GRM7: variants seen among roughly 807,000 people sequenced by gnomAD.
GRM7 encodes glutamate metabotropic receptor 7.
GRM7 carries 35 observed loss-of-function variants against 84.5 expected under a neutral mutation model. The ratio of observed to expected loss-of-function variants is 0.41; its 90% confidence interval spans 0.32 to 0.55. The LOEUF (loss-of-function observed/expected upper bound fraction) is 0.55. Among genes scored for constraint, GRM7 ranks in the 20% least tolerant of loss-of-function variants. The pLI, the probability that GRM7 is intolerant of heterozygous loss-of-function variation, is 0.19. For synonymous variants in GRM7, 487 were observed against 455.1 expected, an observed-to-expected ratio of 1.07 and a Z score of -0.89; for missense variants, 1,003 against 1,194.6, an observed-to-expected ratio of 0.84 and a Z score of 2.36.
chr3:7,512,058 T>A (rs950972850), intron 7 of GRM7, among the ~76,000 whole-genome samples: 2 of 152,074 alleles, frequency 1.3e-5, no homozygotes, highest in South Asian at 2.1e-4. Flanking sequence ...GGTGGGAGGA[T>A]CACTTGAACC....
At chr3:6,964,119 A>C (rs186860045) in intron 1 of GRM7, among the ~76,000 whole-genome samples, 80 of 152,308 alleles carry the variant, frequency 5.3e-4, no homozygotes, top group Non-Finnish European at 1.0e-3. Flanking sequence ...TAATCAACAA[A>C]TTTAAAGGCC....
chr3:6,882,977 A>G (rs144960433), intron 1 of GRM7, among the ~76,000 whole-genome samples: 33 of 152,316 alleles, frequency 2.2e-4, no homozygotes, highest in African/African-American at 7.7e-4. Flanking sequence ...ATTTGAGTAC[A>G]TATTGACGTA....
chr3:7,452,574 GT>G, intron 5 of GRM7, 32 bp from the exon 6 acceptor site: 1 of 1,293,294 alleles, frequency 7.7e-7, no homozygotes, highest in Non-Finnish European at 1.1e-6. Flanking sequence ...GTGTGTGTGT[GT>G]GTGTGTGTGT....
At chr3:7,312,027 G>A (rs1194048764) in intron 4 of GRM7, among the ~76,000 whole-genome samples, 1 of 152,090 alleles carries the variant, frequency 6.6e-6, no homozygotes, top group Non-Finnish European at 1.5e-5. Context: ...CAATAACAAA[G>A]TCATAGCAAA....
rs371845490 is a variant in GRM7, at chr3:7,268,994, T to C, written c.737-29690T>C. Among the ~76,000 whole-genome samples the C allele has an allele frequency of 5.8e-4, 88 of 152,210 alleles. 5 individuals are homozygous for C. In the South Asian group the frequency reaches 0.014, roughly 24 times the overall value. Reference sequence around the variant, plus strand: ...TCAGTAGACCCTCCATCAGACAGAATGTGTTTGCATGTCTTTAGACAAGAA... The same window carrying C: ...TCAGTAGACCCTCCATCAGACAGAACGTGTTTGCATGTCTTTAGACAAGAA... On this transcript the variant is annotated intron_variant, in intron 2 of 9. Transcript: ENST00000357716.
Position 7,489,172 on chromosome 3 carries a change from C to G in GRM7, c.1515+27450C>G, listed in dbSNP as rs550362963. Among the ~76,000 whole-genome samples the G allele has an allele frequency of 8.5e-5, 13 of 152,144 alleles. No homozygotes were observed. In the South Asian group the frequency reaches 1.9e-3, roughly 22 times the overall value. On this transcript the variant is annotated intron_variant, in intron 7 of 9. Transcript: ENST00000357716. ...AAAAACGTATTTGACTGTGGTTCACCATAAGAAATATATTTTACAACATGA... is the reference window on the plus strand; with the variant it reads ...AAAAACGTATTTGACTGTGGTTCACGATAAGAAATATATTTTACAACATGA...
At chr3:7,132,741 C>A (rs1042521383) in intron 1 of GRM7, among the ~76,000 whole-genome samples, 1 of 152,194 alleles carries the variant, frequency 6.6e-6, no homozygotes, top group African/African-American at 2.4e-5. Context: ...TGGTCTTTTA[C>A]AATGAGAATG....
At chr3:7,379,356 G>C (rs1447071301) in intron 4 of GRM7, among the ~76,000 whole-genome samples, 1 of 152,104 alleles carries the variant, frequency 6.6e-6, no homozygotes, top group Non-Finnish European at 1.5e-5. Flanking sequence ...GCCTCCCAAA[G>C]TGCTAGGATT....
chr3:6,962,012 A>G (rs1018006371), intron 1 of GRM7, among the ~76,000 whole-genome samples: 2 of 152,156 alleles, frequency 1.3e-5, no homozygotes, highest in Non-Finnish European at 2.9e-5. Context: ...AGTCCAAACT[A>G]CTTCAACTTC....
At chr3:7,724,760 T>C (rs1354162651) in intron 9 of GRM7, among the ~76,000 whole-genome samples, 1 of 152,158 alleles carries the variant, frequency 6.6e-6, no homozygotes, top group East Asian at 1.9e-4. Flanking sequence ...CCATTATTTT[T>C]GTCTTTTTGT....
Position 7,452,821 on chromosome 3 carries a change from A to T in GRM7, c.1375+14A>T. On this transcript the variant is annotated intron_variant, in intron 6 of 9. Transcript: ENST00000357716. The stretch of plus-strand genomic sequence containing the variant: ...TTAATTTCAATGGTGAGTCTCCAAA[A>T]ATCCATCCTTTTTGGAATCCTAAGT... 1.3e-6 allele frequency: 2 copies of T among 1,552,314 alleles called. No individual in the cohort carries two copies. Among genetic ancestry groups the T allele is most frequent in the Non-Finnish European group, 1.8e-6 (2 of 1,124,968 alleles).
At position 6,863,158 on chromosome 3, in the gene GRM7, T is replaced by A. The variant is rs1694821836; in HGVS notation, c.519+1251T>A. On this transcript the variant is annotated intron_variant, in intron 1 of 9. Transcript: ENST00000357716. This position sits in a 1 kb window ranked among gnomAD's most constrained non-coding sequence, Gnocchi z 4.8. ...TTTCTCTCTGTTTTTTCTCTCCTTTTCAATCTCTCCCTCCTTTCCTCCTCT... is the reference window on the plus strand; with the variant it reads ...TTTCTCTCTGTTTTTTCTCTCCTTTACAATCTCTCCCTCCTTTCCTCCTCT... Among the ~76,000 whole-genome samples, 1 of 151,998 alleles carries A rather than the reference T, an allele frequency of 6.6e-6. No individual in the cohort carries two copies. Among genetic ancestry groups the A allele is most frequent in the South Asian group, 2.1e-4 (1 of 4,826 alleles).
intron 1 of GRM7, among the ~76,000 whole-genome samples, chr3:6,971,651 T>A (rs564857612): frequency 2.0e-4 from 31 of 152,338 alleles, no homozygotes; most frequent in Admixed American, 7.8e-4. Flanking sequence ...ACGATGAATA[T>A]CAACTACTAT....
chr3:7,197,300 C>T (rs1199206638), intron 2 of GRM7, among the ~76,000 whole-genome samples: 1 of 152,180 alleles, frequency 6.6e-6, no homozygotes, highest in Non-Finnish European at 1.5e-5. Flanking sequence ...CTTTGACACT[C>T]ACCAGTTACA....
rs376985257 is a variant in GRM7, at chr3:6,996,211, G to C, written c.519+134304G>C. On this transcript the variant is annotated intron_variant, in intron 1 of 9. Coordinates refer to ENST00000357716, the MANE Select transcript of GRM7 (RefSeq NM_000844.4). The stretch of plus-strand genomic sequence containing the variant: ...CTACAGGCGCCCGCCACCAAGCCTG[G>C]CTCAATTTTTGTATTTTAAGTAGAG... 1.2e-4 allele frequency among the ~76,000 whole-genome samples: 18 copies of C among 152,082 alleles called. No individual in the cohort carries two copies. In the East Asian group the frequency reaches 2.5e-3, roughly 21 times the overall value.
chr3:7,003,520 A>T (rs1695082613), intron 1 of GRM7, among the ~76,000 whole-genome samples: 1 of 152,176 alleles, frequency 6.6e-6, no homozygotes, highest in Non-Finnish European at 1.5e-5. Flanking sequence ...TAAAAACTTG[A>T]TGAGATGATG....
At chr3:7,441,913 A>G (rs1449644324) in intron 5 of GRM7, among the ~76,000 whole-genome samples, 2 of 151,808 alleles carry the variant, frequency 1.3e-5, no homozygotes, top group Non-Finnish European at 1.5e-5. Flanking sequence ...GGGTAATATA[A>G]TGCCTTCAGT....
At position 7,516,476 on chromosome 3, in the gene GRM7, C is replaced by CAAAAAAAAAAAAAAAA. The variant is rs34508559; in HGVS notation, c.1515+54768_1515+54783dup. 2.7e-3 allele frequency among the ~76,000 whole-genome samples: 114 copies of CAAAAAAAAAAAAAAAA among 42,472 alleles called. 2 individuals are homozygous for CAAAAAAAAAAAAAAAA. Among genetic ancestry groups the CAAAAAAAAAAAAAAAA allele is most frequent in the Non-Finnish European group, 3.9e-3 (88 of 22,348 alleles). The allele number at this position is 42,472 out of a possible 152,430, so 27.9% of individuals were successfully genotyped here. A position where few individuals can be genotyped will look rare whatever the true frequency, so the allele number is the denominator to read the frequency against. ...TGGGCGGCAGAGCGAGACTCCCTCT[C>CAAAAAAAAAAAAAAAA]AAAAAAAAAAAAAAAAAAAAAAAAA... On this transcript the variant is annotated intron_variant, in intron 7 of 9. Coordinates refer to ENST00000357716, the MANE Select transcript of GRM7 (RefSeq NM_000844.4).
At chr3:7,438,158 G>T (rs1047715607) in intron 5 of GRM7, among the ~76,000 whole-genome samples, 3 of 151,954 alleles carry the variant, frequency 2.0e-5, no homozygotes, top group Non-Finnish European at 4.4e-5. Context: ...CAATTTAGTG[G>T]TAAGTTGACT....
Sources: allele counts gnomAD v4.1 joint callset (sites outside exome capture counted in the v4.1 genomes callset), GRCh38; gene constraint gnomAD v4.1.1; non-coding constraint Gnocchi (gnomAD v3.1); transcripts MANE v1.5; gene names NCBI Gene and HGNC (gene_info 2026-07-23, HGNC 2026-07-21).